The following MBOAT1 variants were observed in gnomAD, a reference collection of about 807,000 sequenced individuals.
MBOAT1 encodes the protein membrane-bound glycerophospholipid O-acyltransferase 1.
A neutral mutation model predicts 64.4 loss-of-function variants in MBOAT1; 67 were observed. The ratio of observed to expected loss-of-function variants is 1.04; its 90% CI spans 0.85 to 1.27. The LOEUF (loss-of-function observed/expected upper bound fraction) is 1.27. Among genes scored for constraint, MBOAT1 ranks in the 50% most tolerant of loss-of-function variants. MBOAT1 has a pLI of 0.00. For missense variants in MBOAT1, 563 were observed against 604.6 expected, an observed-to-expected ratio of 0.93 and a Z score of 0.72; for synonymous variants, 229 against 218.9, an observed-to-expected ratio of 1.05 and a Z score of -0.41.
chr6:20,212,173 T>C lies in MBOAT1; in HGVS notation c.62A>G (p.His21Arg), dbSNP rs751012415. 2.5e-6 allele frequency: 4 copies of C among 1,613,460 alleles called. No homozygotes were observed. Among genetic ancestry groups the C allele is most frequent in the Non-Finnish European group, 2.5e-6 (3 of 1,179,840 alleles). ...SYRTTGSTYL[H>R]PLSELLGIPL... Reference sequence around the variant, plus strand: ...GATGCCCAGGAGCTCGCTGAGCGGGTGCAGGTAGGTGGAGCCCGTGGTGCG... The same window carrying C: ...GATGCCCAGGAGCTCGCTGAGCGGGCGCAGGTAGGTGGAGCCCGTGGTGCG... Residue 21 changes from histidine to arginine, a missense_variant, in exon 1 of 13, where the codon CAC (histidine) becomes CGC (arginine). By Grantham distance (29) the His-to-Arg change is conservative. Coordinates refer to ENST00000324607, the MANE Select transcript of MBOAT1 (RefSeq NM_001080480.3).
chr6:20,175,831 T>C (rs1191277724), intron 1 of MBOAT1, among the ~76,000 whole-genome samples: 1 of 152,110 alleles, frequency 6.6e-6, no homozygotes, highest in Non-Finnish European at 1.5e-5. Flanking sequence ...CTCTAACTCT[T>C]GGGCTCAAGT....
chr6:20,106,336 A>G (rs1203563892), intron 12 of MBOAT1, among the ~76,000 whole-genome samples: 1 of 152,230 alleles, frequency 6.6e-6, no homozygotes, highest in East Asian at 1.9e-4. Flanking sequence ...CTGTCCCACT[A>G]GGTGCATTTC....
intron 1 of MBOAT1, among the ~76,000 whole-genome samples, chr6:20,190,184 G>A (rs1171398934): frequency 2.0e-5 from 3 of 151,916 alleles, no homozygotes; most frequent in Admixed American, 6.6e-5. Context: ...TAGTAGAGAT[G>A]GAGTTCCACT....
At chr6:20,198,090 T>C (rs778640426) in intron 1 of MBOAT1, among the ~76,000 whole-genome samples, 7 of 151,914 alleles carry the variant, frequency 4.6e-5, no homozygotes, top group Admixed American at 3.3e-4. Context: ...TAGCCAGGCA[T>C]GGTGGCAGGT....
intron 4 of MBOAT1, among the ~76,000 whole-genome samples, chr6:20,134,170 T>C (rs1160382656): frequency 6.6e-6 from 1 of 152,190 alleles, no homozygotes; most frequent in Admixed American, 6.5e-5. Flanking sequence ...CCTCTCCAAT[T>C]TCCCTAGCAG....
chr6:20,128,322 C>G (rs930220361), intron 6 of MBOAT1, among the ~76,000 whole-genome samples: 1 of 152,054 alleles, frequency 6.6e-6, no homozygotes, highest in Non-Finnish European at 1.5e-5. Flanking sequence ...ATTGATCATT[C>G]ACTATTCTTT....
At chr6:20,111,427 A>G (rs1760134165) in intron 11 of MBOAT1, among the ~76,000 whole-genome samples, 1 of 152,150 alleles carries the variant, frequency 6.6e-6, no homozygotes, top group Non-Finnish European at 1.5e-5. Flanking sequence ...TGTTGAGTTC[A>G]ATCTCCTTCC....
rs769390413 is a variant in MBOAT1 at position 20,109,749 on chromosome 6, C to T, written c.1210G>A (p.Val404Ile). 3 of 1,612,632 alleles carry T rather than the reference C, an allele frequency of 1.9e-6. No homozygotes were observed. In the African/African-American group the frequency reaches 4.0e-5, roughly 22 times the overall value. Residue 404 changes from valine to isoleucine, a missense_variant and splice_region_variant, in exon 12 of 13, where the codon GTC becomes ATC. Physicochemically the swap from Val to Ile is conservative, Grantham distance 29. Coordinates refer to ENST00000324607, the MANE Select transcript of MBOAT1 (RefSeq NM_001080480.3). The part of the protein sequence containing the change: ...GILVTLAARA[V>I]RNNYRHYFLS... ...AAGTAATGTCTGTAGTTGTTCCTGA[C>T]CTGCAGGCCAACACAGGCAACAGTA...
intron 1 of MBOAT1, among the ~76,000 whole-genome samples, chr6:20,198,386 T>C (rs1763022339): frequency 6.6e-6 from 1 of 152,292 alleles, no homozygotes; most frequent in South Asian, 2.1e-4. Context: ...GTAAAGAAGG[T>C]TCATTGCAAA....
intron 1 of MBOAT1, among the ~76,000 whole-genome samples, chr6:20,197,908 A>G (rs539731629): frequency 6.6e-6 from 1 of 151,960 alleles, no homozygotes; most frequent in African/African-American, 2.4e-5. Context: ...ATCTAAAAAT[A>G]TTACAAAATT....
Position 20,101,147 on chromosome 6 carries a change from T to C in MBOAT1, c.*1139A>G, listed in dbSNP as rs1477195458. Among the ~76,000 whole-genome samples, 1 of 152,118 alleles carries C rather than the reference T, an allele frequency of 6.6e-6. No individual in the cohort carries two copies. Among genetic ancestry groups the C allele is most frequent in the Non-Finnish European group, 1.5e-5 (1 of 68,012 alleles). On this transcript the variant is annotated 3_prime_UTR_variant, in exon 13 of 13. Transcript: ENST00000324607. Reference sequence around the variant, plus strand: ...ACCAAACTTCTATATAACTTCAAATTACTTTAAAAAAATTTCCTAAAAGGC... The same window carrying C: ...ACCAAACTTCTATATAACTTCAAATCACTTTAAAAAAATTTCCTAAAAGGC...
intron 3 of MBOAT1, among the ~76,000 whole-genome samples, chr6:20,145,255 C>G (rs952485090): frequency 6.6e-6 from 1 of 152,014 alleles, no homozygotes; most frequent in Non-Finnish European, 1.5e-5. Context: ...TGTGAGGATA[C>G]AAGAAGACGG....
intron 12 of MBOAT1, among the ~76,000 whole-genome samples, chr6:20,107,721 A>G (rs1248404507): frequency 6.6e-6 from 1 of 152,126 alleles, no homozygotes; most frequent in Admixed American, 6.5e-5. Flanking sequence ...CTTCTGCTAT[A>G]ATATGATCAA....
intron 12 of MBOAT1, 96 bp downstream of exon 12, chr6:20,109,502 T>C: frequency 6.8e-7 from 1 of 1,461,680 alleles, no homozygotes; most frequent in East Asian, 2.3e-5. Context: ...GTTAGAAGTG[T>C]TTAGGACTGC....
At chr6:20,153,044 A>C (rs1157716844) in intron 1 of MBOAT1, among the ~76,000 whole-genome samples, 3 of 151,906 alleles carry the variant, frequency 2.0e-5, no homozygotes, top group Non-Finnish European at 2.9e-5. Flanking sequence ...CCGTGTTAGC[A>C]AGGATGGTCT....
At chr6:20,132,440 C>A (rs1017854414) in intron 4 of MBOAT1, among the ~76,000 whole-genome samples, 1 of 152,150 alleles carries the variant, frequency 6.6e-6, no homozygotes, top group Non-Finnish European at 1.5e-5. Context: ...AAAAAGCCAT[C>A]AAATAAAAAT....
At chr6:20,111,517 C>T (rs1176163970) in intron 11 of MBOAT1, among the ~76,000 whole-genome samples, 2 of 151,268 alleles carry the variant, frequency 1.3e-5, no homozygotes, top group Non-Finnish European at 2.9e-5. Flanking sequence ...TGTTTCCAGG[C>T]CATCCAAAAG....
chr6:20,118,599 A>G (rs1339180354), intron 8 of MBOAT1, 59 bp from the exon 9 acceptor site: 1 of 1,331,692 alleles, frequency 7.5e-7, no homozygotes, highest in Non-Finnish European at 1.1e-6. Context: ...GCTGCTTTTA[A>G]AAGACACTAA....
At chr6:20,149,194 G>A (rs1464219005) in intron 3 of MBOAT1, among the ~76,000 whole-genome samples, 3 of 151,782 alleles carry the variant, frequency 2.0e-5, no homozygotes, top group African/African-American at 7.3e-5. Context: ...TGCTACCACA[G>A]TAATACTGTG....
Sources: allele counts gnomAD v4.1 joint callset (sites outside exome capture counted in the v4.1 genomes callset), GRCh38; gene constraint gnomAD v4.1.1; transcripts MANE v1.5; gene names NCBI Gene and HGNC (gene_info 2026-07-23, HGNC 2026-07-21).